Variants in PLPPR1 observed in about 807,000 individuals in gnomAD.
PLPPR1 encodes phospholipid phosphatase related 1.
PLPPR1 carries 10 observed loss-of-function variants against 33.1 expected under a neutral mutation model. The observed-to-expected ratio is 0.30, with a 90% confidence interval of 0.19 to 0.51. PLPPR1 has a LOEUF of 0.51. Among genes scored for constraint, PLPPR1 ranks in the 20% least tolerant of loss-of-function variants. PLPPR1 has a pLI of 0.97. For synonymous variants in PLPPR1, 151 were observed against 151.0 expected (o/e 1.00, Z 0.00); for missense variants, 304 against 408.1 (o/e 0.74, Z 2.20).
At chr9:101,320,247 C>A (rs182590295) in intron 7 of PLPPR1, among the ~76,000 whole-genome samples, 15 of 152,284 alleles carry the variant, frequency 9.9e-5, no homozygotes, top group Admixed American at 9.8e-4. Context: ...TGCCCGAATA[C>A]CAGGCTTGGG....
intron 1 of PLPPR1, among the ~76,000 whole-genome samples, chr9:101,043,436 T>G (rs1351012043): frequency 6.6e-6 from 1 of 151,596 alleles, no homozygotes; most frequent in Non-Finnish European, 1.5e-5. Context: ...TATGTATATA[T>G]GTATATGCAT....
chr9:101,260,171 C>T (rs1033342152), intron 2 of PLPPR1, among the ~76,000 whole-genome samples: 1 of 152,028 alleles, frequency 6.6e-6, no homozygotes. Context: ...GAGACTGGGA[C>T]CCCACCTCCA....
intron 2 of PLPPR1, among the ~76,000 whole-genome samples, chr9:101,250,862 A>C (rs1285262689): frequency 6.6e-6 from 1 of 152,072 alleles, no homozygotes; most frequent in Non-Finnish European, 1.5e-5. Context: ...CACTGACACC[A>C]CAGCACCTCC....
chr9:101,096,442 A>G (rs1830818804), intron 1 of PLPPR1, among the ~76,000 whole-genome samples: 1 of 152,208 alleles, frequency 6.6e-6, no homozygotes, highest in Non-Finnish European at 1.5e-5. Context: ...GAGTGATCTG[A>G]ATAGGCATAT....
At chr9:101,317,302 C>T in intron 6 of PLPPR1, 63 bp from the exon 7 acceptor site, 16 of 1,547,876 alleles carry the variant, frequency 1.0e-5, no homozygotes, top group Non-Finnish European at 1.4e-5. Flanking sequence ...CTGCCACCCT[C>T]ACAGATGCCA....
At chr9:101,272,914 T>A in intron 3 of PLPPR1, among the ~76,000 whole-genome samples, 1 of 152,184 alleles carries the variant, frequency 6.6e-6, no homozygotes, top group East Asian at 1.9e-4. Context: ...ATTAATTACA[T>A]TTTCTAGATT....
At chr9:101,089,845 C>T (rs1830721439) in intron 1 of PLPPR1, among the ~76,000 whole-genome samples, 1 of 152,096 alleles carries the variant, frequency 6.6e-6, no homozygotes, top group Admixed American at 6.5e-5. Flanking sequence ...ATACATATTT[C>T]TAAACTGTCC....
chr9:101,247,363 T>C (rs1827630360), intron 2 of PLPPR1, among the ~76,000 whole-genome samples: 1 of 151,984 alleles, frequency 6.6e-6, no homozygotes, highest in Admixed American at 6.6e-5. Flanking sequence ...GGCTTCTAGA[T>C]GACCACATTG....
chr9:101,240,409 A>ACTGTTTTTTTTTTTTT (rs1564012614), intron 2 of PLPPR1, among the ~76,000 whole-genome samples: 14 of 151,664 alleles, frequency 9.2e-5, no homozygotes, highest in African/African-American at 3.2e-4. Context: ...AAATTTTAGA[A>ACTGTTTTTTTTTTTTT]TTGTTTTTTT....
intron 4 of PLPPR1, among the ~76,000 whole-genome samples, chr9:101,293,301 A>G (rs1236355182): frequency 6.6e-6 from 1 of 151,886 alleles, no homozygotes; most frequent in Non-Finnish European, 1.5e-5. Flanking sequence ...AGATTCATAA[A>G]GCAAGTCCTG....
At chr9:101,167,625 G>C (rs1825880572) in intron 1 of PLPPR1, among the ~76,000 whole-genome samples, 1 of 152,020 alleles carries the variant, frequency 6.6e-6, no homozygotes, top group Non-Finnish European at 1.5e-5. Context: ...AAGGGCAATG[G>C]AGAGGAATCA....
chr9:101,090,696 C>T (rs904998771), intron 1 of PLPPR1, among the ~76,000 whole-genome samples: 2 of 151,564 alleles, frequency 1.3e-5, no homozygotes, highest in Non-Finnish European at 2.9e-5. Context: ...CCAGCCTGGA[C>T]GACAGAGCAA....
chr9:101,045,906 T>G (rs2118431148), intron 1 of PLPPR1, among the ~76,000 whole-genome samples: 1 of 152,320 alleles, frequency 6.6e-6, no homozygotes, highest in South Asian at 2.1e-4. Flanking sequence ...TCATTCTCAA[T>G]AAATATCAGT....
chr9:101,279,492 T>C (rs1828256362), intron 3 of PLPPR1, among the ~76,000 whole-genome samples: 1 of 152,230 alleles, frequency 6.6e-6, no homozygotes, highest in African/African-American at 2.4e-5. Flanking sequence ...TTGATATTTA[T>C]AAAACATTTC....
chr9:101,046,210 C>CT (rs951965848), intron 1 of PLPPR1, among the ~76,000 whole-genome samples: 3 of 151,784 alleles, frequency 2.0e-5, no homozygotes, highest in African/African-American at 7.3e-5. Context: ...GTTTTCTGCC[C>CT]TTTTTTTTCC....
intron 2 of PLPPR1, among the ~76,000 whole-genome samples, chr9:101,190,636 TGA>T (rs1167417715): frequency 6.6e-6 from 1 of 152,098 alleles, no homozygotes; most frequent in Admixed American, 6.5e-5. Context: ...TGCTGATGAC[TGA>T]GGAGCCTGCC....
intron 2 of PLPPR1, among the ~76,000 whole-genome samples, chr9:101,192,748 A>T (rs930467430): frequency 1.3e-5 from 2 of 152,176 alleles, no homozygotes; most frequent in Admixed American, 6.5e-5. Flanking sequence ...TAGAAATGTG[A>T]CATTGCTGGG....
chr9:101,260,780 G>T (rs7032821), intron 2 of PLPPR1, among the ~76,000 whole-genome samples: 52,209 of 151,970 alleles, frequency 0.34, 9,146 homozygotes, highest in African/African-American at 0.4. Context: ...GCCACGAAAA[G>T]AGATGAGATC....
chr9:101,062,780 G>A (rs532859399), intron 1 of PLPPR1, among the ~76,000 whole-genome samples: 1 of 151,640 alleles, frequency 6.6e-6, no homozygotes, highest in African/African-American at 2.4e-5. Flanking sequence ...AAAATAATAG[G>A]CTCTATGTTA....
Sources: allele counts gnomAD v4.1 joint callset (sites outside exome capture counted in the v4.1 genomes callset), GRCh38; gene constraint gnomAD v4.1.1; transcripts MANE v1.5; gene names NCBI Gene and HGNC (gene_info 2026-07-23, HGNC 2026-07-21).